Variants in VDAC1 observed in about 807,000 individuals in gnomAD.
VDAC1 encodes voltage dependent anion channel 1.
Under a neutral mutation model 34.7 loss-of-function variants are expected in VDAC1, and 10 were observed. The ratio of observed to expected loss-of-function variants is 0.29; its 90% CI spans 0.18 to 0.49. The LOEUF is 0.49. Among genes scored for constraint, VDAC1 ranks in the 20% least tolerant of loss-of-function variants. VDAC1 has a pLI of 0.99. For missense variants in VDAC1, 230 were observed against 347.9 expected, an observed-to-expected ratio of 0.66 and a Z score of 2.69; for synonymous variants, 130 against 136.0, an observed-to-expected ratio of 0.96 and a Z score of 0.30.
Position 133,980,711 on chromosome 5 carries a change from GC to G in VDAC1, c.551+17del, listed in dbSNP as rs767303526. 1 of 556,630 alleles carries G rather than the reference GC, an allele frequency of 1.8e-6. No individual in the cohort carries two copies. The highest frequency in any genetic ancestry group is 2.7e-5 in the South Asian group (1 of 37,028). 34.5% of individuals were successfully genotyped at this position (556,630 alleles called of 1,614,324 possible). The stretch of plus-strand genomic sequence containing the variant: ...CCAACCCCACCCCTCCCACCCTGCT[GC>G]CCCCATGTACACTTACACATTAGTG... On this transcript the variant is annotated intron_variant, in intron 6 of 8. Transcript: ENST00000265333.
the VDAC1 span, among the ~76,000 whole-genome samples, chr5:134,016,432 A>C: frequency 6.6e-6 from 1 of 152,156 alleles, no homozygotes. Flanking sequence ...GGTTAAAGAA[A>C]AGCAGGAAAA....
In VDAC1 at chr5:133,976,194, G is replaced by C. The variant is rs1395917662; in HGVS notation, c.552-173C>G. ...TTCACAAAACAGGTACTAAATTACA[G>C]GAAGTCTGATAAGTATGGAACAGGC... On this transcript the variant is annotated intron_variant, in intron 6 of 8. Transcript: ENST00000265333. The C allele has an allele frequency of 6.9e-6, 5 of 725,376 alleles. No individual in the cohort carries two copies. In the South Asian group the frequency reaches 7.4e-5, roughly 11 times the overall value. 44.9% of individuals were successfully genotyped at this position (725,376 alleles called of 1,614,324 possible). A position where few individuals can be genotyped will look rare whatever the true frequency, so the allele number is the denominator to read the frequency against.
chr5:134,087,319 A>G, the VDAC1 span, among the ~76,000 whole-genome samples: 1 of 151,906 alleles, frequency 6.6e-6, no homozygotes, highest in African/African-American at 2.4e-5. Flanking sequence ...CAACAATGGA[A>G]AGTTTCTCAC....
At chr5:133,983,393 T>C (rs2126935708) in intron 5 of VDAC1, among the ~76,000 whole-genome samples, 1 of 152,324 alleles carries the variant, frequency 6.6e-6, no homozygotes, top group Non-Finnish European at 1.5e-5. Context: ...TGTTATTTAC[T>C]TAAAATAGTA....
chr5:134,094,456 G>A, the VDAC1 span, among the ~76,000 whole-genome samples: 5 of 152,184 alleles, frequency 3.3e-5, no homozygotes, highest in Non-Finnish European at 7.3e-5. Context: ...CTCAGCACTT[G>A]GGAGGCCGAG....
chr5:134,025,327 T>C, the VDAC1 span, among the ~76,000 whole-genome samples: 61 of 152,114 alleles, frequency 4.0e-4, no homozygotes, highest in African/African-American at 1.4e-3. Context: ...CTCTTTACCA[T>C]AGGGAGGGCA....
chr5:133,997,143 C>G (rs561165237), intron 1 of VDAC1, among the ~76,000 whole-genome samples: 1 of 152,240 alleles, frequency 6.6e-6, no homozygotes, highest in African/African-American at 2.4e-5. Flanking sequence ...AACAGTCACT[C>G]TTGTTCACGC....
At chr5:134,011,728 C>G in the VDAC1 span, among the ~76,000 whole-genome samples, 35 of 151,872 alleles carry the variant, frequency 2.3e-4, no homozygotes, top group East Asian at 6.4e-3. Flanking sequence ...CAACCTCCGC[C>G]TCCTGGGTTC....
chr5:134,099,457 G>A, the VDAC1 span, among the ~76,000 whole-genome samples: 2 of 152,268 alleles, frequency 1.3e-5, no homozygotes, highest in African/African-American at 4.8e-5. Flanking sequence ...CTCCTTATCT[G>A]ACCAGCCTGG....
chr5:134,005,196 T>C (rs1753718382), upstream of VDAC1: 1 of 151,514 alleles, frequency 6.6e-6, no homozygotes, highest in Non-Finnish European at 1.5e-5. Flanking sequence ...CCCCCGGGAG[T>C]TGATGTGGCC....
the VDAC1 span, among the ~76,000 whole-genome samples, chr5:134,090,405 G>A: frequency 9.2e-5 from 14 of 152,186 alleles, 1 homozygote; most frequent in African/African-American, 2.7e-4. Context: ...TGGGAAGGGT[G>A]CGTGGATGGT....
At chr5:133,989,812 G>A (rs959830321) in intron 5 of VDAC1, among the ~76,000 whole-genome samples, 2 of 152,088 alleles carry the variant, frequency 1.3e-5, no homozygotes, top group African/African-American at 2.4e-5. Context: ...ACAGGCATGC[G>A]CCCACCAGGC....
chr5:134,022,383 G>T, the VDAC1 span, among the ~76,000 whole-genome samples: 2 of 152,184 alleles, frequency 1.3e-5, no homozygotes, highest in Non-Finnish European at 2.9e-5. Context: ...AGTTCTAGAG[G>T]TTGATATTAA....
At chr5:133,994,834 G>A (rs1034366067) in intron 1 of VDAC1, among the ~76,000 whole-genome samples, 14 of 152,062 alleles carry the variant, frequency 9.2e-5, no homozygotes, top group South Asian at 2.1e-4. Context: ...AAACTCAGCC[G>A]GGGTGGGGGC....
At chr5:134,021,261 A>G in the VDAC1 span, among the ~76,000 whole-genome samples, 7 of 151,946 alleles carry the variant, frequency 4.6e-5, no homozygotes, top group Non-Finnish European at 1.0e-4. Context: ...ATAGGTATAC[A>G]TGTGCCATGT....
chr5:134,056,434 ATTTTT>A, the VDAC1 span, among the ~76,000 whole-genome samples: 28 of 118,660 alleles, frequency 2.4e-4, no homozygotes, highest in African/African-American at 4.6e-4. Flanking sequence ...GCTGCACTGA[ATTTTT>A]TTTTTTTTTT....
At chr5:134,067,743 CT>C in the VDAC1 span, among the ~76,000 whole-genome samples, 1 of 151,908 alleles carries the variant, frequency 6.6e-6, no homozygotes, top group Non-Finnish European at 1.5e-5. Flanking sequence ...AGAAATTACT[CT>C]TGCAGCTTAT....
the VDAC1 span, among the ~76,000 whole-genome samples, chr5:134,046,308 A>G: frequency 2.6e-5 from 4 of 152,018 alleles, no homozygotes; most frequent in African/African-American, 7.2e-5. Context: ...GATTACAAAC[A>G]TGAGCCACCA....
At chr5:134,086,447 G>C in the VDAC1 span, among the ~76,000 whole-genome samples, 1 of 152,172 alleles carries the variant, frequency 6.6e-6, no homozygotes, top group South Asian at 2.1e-4. Flanking sequence ...CCCCAAGGGT[G>C]CTCGGATATT....
Sources: gnomAD v4.1 joint callset for allele counts (sites outside exome capture counted in the v4.1 genomes callset) on GRCh38, gnomAD v4.1.1 for gene constraint, MANE v1.5 for transcripts, NCBI Gene and HGNC (gene_info 2026-07-23, HGNC 2026-07-21) for gene names.